The following PCNX1 variants were observed in gnomAD, a reference collection of about 807,000 sequenced individuals.
PCNX1 encodes the protein pecanex 1.
A neutral mutation model predicts 242.2 loss-of-function variants in PCNX1; 78 were observed. The ratio of observed to expected loss-of-function variants is 0.32; its 90% confidence interval spans 0.27 to 0.39. The LOEUF (loss-of-function observed/expected upper bound fraction) is 0.39. Among genes scored for constraint, PCNX1 ranks in the 10% least tolerant of loss-of-function variants. The probability of loss-of-function intolerance (pLI) is 1.00; values close to 1 mark genes in which losing one functional copy is unlikely to be tolerated. For synonymous variants in PCNX1, 1,024 were observed against 1,032.9 expected (o/e 0.99, Z 0.17); for missense variants, 2,581 against 2,856.5 (o/e 0.90, Z 2.20).
At chr14:70,921,713 G>A (rs1158306156) in intron 1 of PCNX1, among the ~76,000 whole-genome samples, 1 of 152,044 alleles carries the variant, frequency 6.6e-6, no homozygotes, top group Non-Finnish European at 1.5e-5. Flanking sequence ...TAAGAAAATT[G>A]AAAGAATGCT....
chr14:71,014,898 T>G (rs901893874), intron 11 of PCNX1, among the ~76,000 whole-genome samples: 2 of 152,138 alleles, frequency 1.3e-5, no homozygotes, highest in Non-Finnish European at 2.9e-5. Context: ...CATAAAATGC[T>G]TGAATAAAAC....
chr14:70,934,531 C>G (rs1190096618), intron 1 of PCNX1, among the ~76,000 whole-genome samples: 1 of 152,212 alleles, frequency 6.6e-6, no homozygotes, highest in African/African-American at 2.4e-5. Context: ...ATCCTCCCCC[C>G]TCAGCCTCCT....
chr14:70,943,755 A>G (rs888637133), intron 1 of PCNX1, among the ~76,000 whole-genome samples: 1 of 139,684 alleles, frequency 7.2e-6, no homozygotes, highest in Non-Finnish European at 1.5e-5. Context: ...ACGAGCCCAG[A>G]GGCCTAGAGG....
At chr14:70,980,092 A>G (rs1476609968) in intron 6 of PCNX1, among the ~76,000 whole-genome samples, 1 of 152,114 alleles carries the variant, frequency 6.6e-6, no homozygotes, top group Admixed American at 6.5e-5. Flanking sequence ...AAAGTTATCA[A>G]AATGAATTTT....
chr14:71,048,304 A>G (rs1200342323), intron 22 of PCNX1, among the ~76,000 whole-genome samples: 3 of 152,190 alleles, frequency 2.0e-5, no homozygotes, highest in Admixed American at 6.6e-5. Context: ...AAGTGGTAAT[A>G]ATTGAATTGG....
chr14:71,069,953 T>A (rs2061549340), intron 26 of PCNX1, among the ~76,000 whole-genome samples: 1 of 152,214 alleles, frequency 6.6e-6, no homozygotes, highest in African/African-American at 2.4e-5. Context: ...TTGCCCATAG[T>A]ATGATTTCTT....
intron 31 of PCNX1, among the ~76,000 whole-genome samples, chr14:71,102,475 A>G (rs2062490499): frequency 6.6e-6 from 1 of 152,090 alleles, no homozygotes; most frequent in Non-Finnish European, 1.5e-5. Flanking sequence ...AATGTTGCCC[A>G]GGCTGGTCTC....
chr14:70,952,489 C>T (rs1015090665), intron 2 of PCNX1, among the ~76,000 whole-genome samples: 1 of 152,262 alleles, frequency 6.6e-6, no homozygotes, highest in Middle Eastern at 3.4e-3. Flanking sequence ...TTGTTACACA[C>T]TCTTCGTAGA....
chr14:70,936,864 C>G lies in PCNX1; in HGVS notation c.154-10051C>G, dbSNP rs61988724. ...TGGTATCTCATTGTGGTTTTGATTT[C>G]CATTTCTCTGATGGCCAGTGATGAA... On this transcript the variant is annotated intron_variant, in intron 1 of 35. Transcript: ENST00000304743. Among the ~76,000 whole-genome samples, 1,086 of 152,224 alleles carry G rather than the reference C, an allele frequency of 7.1e-3. 11 individuals carry two copies. The highest frequency in any genetic ancestry group is 0.024 in the African/African-American group (987 of 41,554).
intron 1 of PCNX1, among the ~76,000 whole-genome samples, chr14:70,926,339 C>T (rs935963086): frequency 3.3e-5 from 5 of 152,112 alleles, no homozygotes; most frequent in South Asian, 4.1e-4. Flanking sequence ...TTGCCCCTGC[C>T]GTCTCACCTG....
In PCNX1 at chr14:71,069,439, A is replaced by G. The variant is rs1218455421; in HGVS notation, c.4853-4106A>G. Among the ~76,000 whole-genome samples the G allele has an allele frequency of 2.0e-5, 3 of 152,330 alleles. No individual in the cohort carries two copies. In the East Asian group the frequency reaches 5.8e-4, roughly 29 times the overall value. ...AAGATGTTTGATTAATTTCATTTCT[A>G]TTATTGGTTTAAAAGACACTTTATA... On this transcript the variant is annotated intron_variant, in intron 26 of 35. Coordinates refer to ENST00000304743, the MANE Select transcript of PCNX1 (RefSeq NM_014982.3).
At position 70,977,749 on chromosome 14, in the gene PCNX1, C is replaced by G. The variant is rs144799758; in HGVS notation, c.1412C>G (p.Thr471Ser). The G allele has an allele frequency of 8.8e-3, 14,205 of 1,614,014 alleles. 94 individuals carry two copies. Among genetic ancestry groups the G allele is most frequent in the South Asian group, 0.016 (1,422 of 91,062 alleles). Residue 471 changes from threonine (T) to serine (S), a missense_variant, in exon 6 of 36, where the codon ACC becomes AGC. Physicochemically the swap from Thr to Ser is moderately conservative, Grantham distance 58. This residue lies in a region of PCNX1 where 1,204 missense variants were observed against 1,216.7 expected (regional missense o/e 0.99). Coordinates refer to ENST00000304743, the MANE Select transcript of PCNX1 (RefSeq NM_014982.3). The stretch of plus-strand genomic sequence containing the variant: ...GGGGTTCACGAGGCCAAGGACCCCA[C>G]CCCCTCTGATGAGATGCACAACCAG... ...NSGVHEAKDP[T>S]PSDEMHNQRG...
Position 71,113,605 on chromosome 14 carries a change from C to T in PCNX1, c.*3670C>T, listed in dbSNP as rs1158008458. ...GGATTGCTGTTGTGAGTCATTCATCCAGCACTGGGCCTTTTAAGCTGAAGA... is the reference window on the plus strand; with the variant it reads ...GGATTGCTGTTGTGAGTCATTCATCTAGCACTGGGCCTTTTAAGCTGAAGA... On this transcript the variant is annotated 3_prime_UTR_variant, in exon 36 of 36. Transcript: ENST00000304743. 3 of 152,576 alleles carry T rather than the reference C, an allele frequency of 2.0e-5. No individual in the cohort carries two copies. The highest frequency in any genetic ancestry group is 1.3e-4 in the Admixed American group (2 of 15,272). The allele number at this position is 152,576 out of a possible 1,614,324, so 9.5% of individuals were successfully genotyped here.
intron 7 of PCNX1, among the ~76,000 whole-genome samples, chr14:70,989,534 ATTTTT>A (rs34767376): frequency 1.6e-5 from 2 of 126,346 alleles, no homozygotes; most frequent in Non-Finnish European, 3.2e-5. Context: ...ACAGATATAA[ATTTTT>A]TTTTTTTTTT....
chr14:70,922,758 C>CTTTTT, intron 1 of PCNX1, among the ~76,000 whole-genome samples: 1 of 132,330 alleles, frequency 7.6e-6, no homozygotes, highest in South Asian at 2.4e-4. Flanking sequence ...AGGTCATTAC[C>CTTTTT]TTTTTTTTTT....
At chr14:71,101,901 C>A in intron 30 of PCNX1, 89 bp from the exon 31 acceptor site, 3 of 632,148 alleles carry the variant, frequency 4.7e-6, no homozygotes, top group South Asian at 2.7e-5. Context: ...CATAATAAAC[C>A]AGTTTTTAAG....
rs1453528223 is a variant in PCNX1 at position 71,103,770 on chromosome 14, G to A, written c.6095+101G>A. On this transcript the variant is annotated intron_variant, in intron 32 of 35. Coordinates refer to ENST00000304743, the MANE Select transcript of PCNX1 (RefSeq NM_014982.3). ...GAAGCTTGTAGAAAAAATTACAGGT[G>A]CCATGGTACAATATGAACCCATTAT... 3 of 1,041,002 alleles carry A rather than the reference G, an allele frequency of 2.9e-6. No individual in the cohort carries two copies. In the African/African-American group the frequency reaches 4.7e-5, roughly 16 times the overall value. 64.5% of individuals were successfully genotyped at this position (1,041,002 alleles called of 1,614,324 possible).
chr14:70,990,364 A>G (rs2059127775), intron 7 of PCNX1, among the ~76,000 whole-genome samples: 1 of 151,836 alleles, frequency 6.6e-6, no homozygotes, highest in African/African-American at 2.4e-5. Flanking sequence ...GAGTTTTGAG[A>G]CTAGCCAACA....
intron 6 of PCNX1, among the ~76,000 whole-genome samples, chr14:70,978,879 T>C (rs185612950): frequency 6.6e-6 from 1 of 151,838 alleles, no homozygotes; most frequent in African/African-American, 2.4e-5. Context: ...TTGTTCTTGA[T>C]GGTGTCAAGA....
Sources: gnomAD v4.1 joint callset for allele counts (sites outside exome capture counted in the v4.1 genomes callset) on GRCh38, gnomAD v4.1.1 for gene constraint, gnomAD v4.1.1 regional missense constraint, MANE v1.5 for transcripts, NCBI Gene and HGNC (gene_info 2026-07-23, HGNC 2026-07-21) for gene names.